ITGB1: variants seen among roughly 807,000 people sequenced by gnomAD.
ITGB1 encodes the protein integrin subunit beta 1, also known as integrin beta-1.
ITGB1 carries 24 observed loss-of-function variants against 86.5 expected under a neutral mutation model. That is an observed-to-expected ratio of 0.28 (90% CI 0.20 to 0.39). The LOEUF is 0.39. Ranked by LOEUF, ITGB1 falls within the 10% of genes least tolerant of loss-of-function variation. The pLI is 1.00. For missense variants in ITGB1, 556 were observed against 946.9 expected (o/e 0.59, Z 5.42); for synonymous variants, 323 against 316.8 (o/e 1.02, Z -0.21).
intron 11 of ITGB1, among the ~76,000 whole-genome samples, chr10:32,914,344 G>C (rs1405290832): frequency 1.3e-5 from 2 of 152,136 alleles, no homozygotes; most frequent in Non-Finnish European, 2.9e-5. Flanking sequence ...TGGGCAAAAT[G>C]CTCCAATTAA....
At chr10:32,949,087 T>C (rs898179490) in intron 1 of ITGB1, among the ~76,000 whole-genome samples, 1 of 152,186 alleles carries the variant, frequency 6.6e-6, no homozygotes, top group African/African-American at 2.4e-5. Flanking sequence ...AAAAAGTTAT[T>C]TCATTTAGAA....
chr10:32,934,588 A>C (rs932087415), intron 2 of ITGB1, among the ~76,000 whole-genome samples: 2 of 152,192 alleles, frequency 1.3e-5, no homozygotes, highest in African/African-American at 4.8e-5. Flanking sequence ...TAATGTTAAA[A>C]AACTGTTGCT....
intron 1 of ITGB1, among the ~76,000 whole-genome samples, chr10:32,951,320 AG>A (rs1401021346): frequency 6.6e-6 from 1 of 152,112 alleles, no homozygotes; most frequent in Admixed American, 6.5e-5. Context: ...TCAACATAAC[AG>A]GAAAATCACA....
chr10:32,922,800 A>G (rs2094954211), intron 7 of ITGB1, 65 bp from the exon 8 acceptor site: 1 of 889,378 alleles, frequency 1.1e-6, no homozygotes, highest in Non-Finnish European at 1.7e-6. Flanking sequence ...TAATTTTTCA[A>G]TCTAGTTATA....
intron 1 of ITGB1, among the ~76,000 whole-genome samples, chr10:32,954,037 C>A (rs2095047761): frequency 1.3e-5 from 2 of 152,146 alleles, no homozygotes; most frequent in South Asian, 4.1e-4. Flanking sequence ...CTCCTTCAGC[C>A]CGTTTTTCAC....
At chr10:32,903,351 C>CAAACAAAAAAAAAAAAAAAAAAA (rs1555218828) in intron 15 of ITGB1, among the ~76,000 whole-genome samples, 1 of 57,042 alleles carries the variant, frequency 1.8e-5, no homozygotes, top group African/African-American at 6.8e-5. Flanking sequence ...GACTCCATCT[C>CAAACAAAAAAAAAAAAAAAAAAA]AAAAAAAAAA....
chr10:32,945,232 G>A (rs2095028457), intron 1 of ITGB1, among the ~76,000 whole-genome samples: 1 of 152,144 alleles, frequency 6.6e-6, no homozygotes, highest in South Asian at 2.1e-4. Flanking sequence ...AACCATCAGA[G>A]ATGTCTTAAC....
At chr10:32,916,823 T>C (rs557446554) in intron 11 of ITGB1, among the ~76,000 whole-genome samples, 16 of 151,918 alleles carry the variant, frequency 1.1e-4, no homozygotes, top group African/African-American at 2.7e-4. Flanking sequence ...ACTTTCTTCA[T>C]AGAATTGGAA....
At chr10:32,957,489 A>G (rs953529458) in intron 1 of ITGB1, among the ~76,000 whole-genome samples, 7 of 152,066 alleles carry the variant, frequency 4.6e-5, no homozygotes, top group African/African-American at 1.7e-4. Context: ...GGGGAAGTGG[A>G]CTGCACTGCC....
chr10:32,922,465 G>A (rs2137204834), intron 8 of ITGB1, 119 bp from the exon 9 acceptor site: 1 of 810,908 alleles, frequency 1.2e-6, no homozygotes, highest in East Asian at 2.6e-5. Flanking sequence ...ACTAACTTTA[G>A]GAGTCAAACC....
chr10:32,911,586 G>A lies in ITGB1; in HGVS notation c.1793C>T (p.Thr598Ile). The A allele has an allele frequency of 1.2e-6, 2 of 1,614,128 alleles. No individual in the cohort carries two copies. The highest frequency in any genetic ancestry group is 1.3e-5 in the African/African-American group (1 of 75,008). The change falls in exon 13 of 16, where the codon ACT becomes ATT. Residue 598 changes from threonine to isoleucine, a missense_variant. Thr to Ile is a moderately conservative substitution (Grantham distance 89). Coordinates refer to ENST00000302278, the MANE Select transcript of ITGB1 (RefSeq NM_002211.4). ...SACDCSLDTS[T>I]CEASNGQICN... ...GATCTGTCCGTTGCTGGCTTCACAA[G>A]TACTAGTATCCAAAGAACAGTCACA...
intron 5 of ITGB1, among the ~76,000 whole-genome samples, chr10:32,926,641 G>A (rs1275249057): frequency 6.6e-6 from 1 of 152,178 alleles, no homozygotes; most frequent in Admixed American, 6.5e-5. Context: ...AGGCCTTGCT[G>A]ATGCTAGCGC....
intron 1 of ITGB1, among the ~76,000 whole-genome samples, chr10:32,943,876 G>A (rs992455000): frequency 1.3e-5 from 2 of 152,210 alleles, no homozygotes; most frequent in African/African-American, 2.4e-5. Flanking sequence ...CTGGGGGCTT[G>A]ATCTTGTGGA....
At chr10:32,928,496 C>A (rs1197235506) in intron 4 of ITGB1, among the ~76,000 whole-genome samples, 4 of 152,112 alleles carry the variant, frequency 2.6e-5, no homozygotes, top group African/African-American at 9.7e-5. Flanking sequence ...AAAAGATATT[C>A]CCAATCCACA....
intron 11 of ITGB1, among the ~76,000 whole-genome samples, chr10:32,914,529 AAC>A (rs1205450149): frequency 6.6e-6 from 1 of 152,174 alleles, no homozygotes; most frequent in Non-Finnish European, 1.5e-5. Flanking sequence ...TCTCTGAAAA[AAC>A]AGACTTTAAA....
intron 15 of ITGB1, among the ~76,000 whole-genome samples, chr10:32,904,819 A>G (rs2094891732): frequency 1.3e-5 from 2 of 152,206 alleles, no homozygotes; most frequent in African/African-American, 4.8e-5. Context: ...TTCCTGAATT[A>G]CATAAAATGC....
At chr10:32,943,892 T>G (rs556069906) in intron 1 of ITGB1, among the ~76,000 whole-genome samples, 29 of 152,156 alleles carry the variant, frequency 1.9e-4, no homozygotes, top group Non-Finnish European at 2.8e-4. Flanking sequence ...GTGGAAAACT[T>G]TTGAGAAGTA....
chr10:32,941,804 C>T (rs924336635), intron 1 of ITGB1, among the ~76,000 whole-genome samples: 2 of 152,050 alleles, frequency 1.3e-5, no homozygotes, highest in Non-Finnish European at 2.9e-5. Context: ...CTGCTGCTTA[C>T]TTGGAGAAGG....
At chr10:32,938,780 G>A (rs1399823459) in intron 1 of ITGB1, among the ~76,000 whole-genome samples, 1 of 152,214 alleles carries the variant, frequency 6.6e-6, no homozygotes, top group Non-Finnish European at 1.5e-5. Context: ...ATCTGTAAAA[G>A]GCGAGGCTTT....
Sources: allele counts gnomAD v4.1 joint callset (sites outside exome capture counted in the v4.1 genomes callset), GRCh38; gene constraint gnomAD v4.1.1; transcripts MANE v1.5; gene names NCBI Gene and HGNC (gene_info 2026-07-23, HGNC 2026-07-21).